Variants in CADPS observed in about 807,000 individuals in gnomAD.
CADPS encodes calcium dependent secretion activator.
A neutral mutation model predicts 167.3 loss-of-function variants in CADPS; 57 were observed. That is an observed-to-expected ratio of 0.34 (90% CI 0.28 to 0.42). CADPS has a LOEUF of 0.42. Ranked by LOEUF, CADPS falls within the 20% of genes least tolerant of loss-of-function variation. CADPS has a pLI of 1.00. For synonymous variants in CADPS, 676 were observed against 635.3 expected (o/e 1.06, Z -0.96); for missense variants, 1,414 against 1,738.1 (o/e 0.81, Z 3.32).
At chr3:62,415,161 G>A (rs547997494) in intron 28 of CADPS, among the ~76,000 whole-genome samples, 4 of 148,706 alleles carry the variant, frequency 2.7e-5, no homozygotes, top group East Asian at 4.1e-4. Flanking sequence ...TAAAGTTGCC[G>A]AAATAGCAAT....
intron 6 of CADPS, among the ~76,000 whole-genome samples, chr3:62,609,152 G>A (rs2061135332): frequency 6.6e-6 from 1 of 151,998 alleles, no homozygotes; most frequent in South Asian, 2.1e-4. Flanking sequence ...AGACAAAGCA[G>A]CAAGTTATGA....
At chr3:62,498,034 C>A in intron 18 of CADPS, 1 of 444,034 alleles carries the variant, frequency 2.3e-6, no homozygotes, top group South Asian at 1.6e-5. Flanking sequence ...TTCCTTGGGT[C>A]AGTGTTAGAA....
rs141508682 is a variant in CADPS, at chr3:62,703,176, T to C, written c.889-40782A>G. On this transcript the variant is annotated intron_variant, in intron 3 of 29. Coordinates refer to ENST00000383710, the MANE Select transcript of CADPS (RefSeq NM_003716.4). ...TTATTTACAAGCTATTAATGCAGTT[T>C]ACTCTTTAAATAAATTCATGTGTGT... Among the ~76,000 whole-genome samples, 16 of 152,316 alleles carry C rather than the reference T, an allele frequency of 1.1e-4. No individual in the cohort carries two copies. In the East Asian group the frequency reaches 2.9e-3, roughly 27 times the overall value.
intron 18 of CADPS, chr3:62,498,255 TTA>T: frequency 2.2e-6 from 1 of 447,398 alleles, no homozygotes; most frequent in Admixed American, 2.4e-5. Context: ...TTATGGCGTA[TTA>T]TATATTATTT....
chr3:62,854,184 G>C (rs2079186388), intron 1 of CADPS, among the ~76,000 whole-genome samples: 1 of 152,140 alleles, frequency 6.6e-6, no homozygotes, highest in Admixed American at 6.6e-5. Context: ...CAACTCACAA[G>C]CTTAACACTT....
intron 6 of CADPS, among the ~76,000 whole-genome samples, chr3:62,641,132 C>A (rs2067327598): frequency 6.6e-6 from 1 of 152,060 alleles, no homozygotes; most frequent in Non-Finnish European, 1.5e-5. Flanking sequence ...AATCTTATGT[C>A]ATTGCTACAA....
chr3:62,608,882 A>T (rs1320139434), intron 6 of CADPS, among the ~76,000 whole-genome samples: 3 of 152,296 alleles, frequency 2.0e-5, no homozygotes, highest in African/African-American at 7.2e-5. Context: ...GCCAACTTGT[A>T]CGCCTCCTTC....
chr3:62,812,007 T>C (rs747665330), intron 1 of CADPS, among the ~76,000 whole-genome samples: 7 of 152,158 alleles, frequency 4.6e-5, no homozygotes, highest in Non-Finnish European at 8.8e-5. Flanking sequence ...GTTTATCTTA[T>C]GTAATGGTAT....
intron 27 of CADPS, 38 bp downstream of exon 27, chr3:62,445,727 C>CA (rs760770945): frequency 7.6e-6 from 7 of 927,130 alleles, no homozygotes; most frequent in East Asian, 3.1e-5. Context: ...AAAAAAAAAA[C>CA]AAAAAAACCC....
chr3:62,753,868 G>C lies in CADPS; in HGVS notation c.556-95C>G. On this transcript the variant is annotated intron_variant, in intron 2 of 29. Coordinates refer to ENST00000383710, the MANE Select transcript of CADPS (RefSeq NM_003716.4). The surrounding 1 kb of genome is among the most constrained non-coding windows in gnomAD (Gnocchi z 4.6). The stretch of plus-strand genomic sequence containing the variant: ...GACACTGGGCCAGTCCACCTCACGT[G>C]CATCCCAGGAGGAACCACTGTGGGT... 1 of 1,221,400 alleles carries C rather than the reference G, an allele frequency of 8.2e-7. No individual in the cohort carries two copies. The highest frequency in any genetic ancestry group is 1.1e-6 in the Non-Finnish European group (1 of 878,456). 75.7% of individuals were successfully genotyped at this position (1,221,400 alleles called of 1,614,324 possible).
At chr3:62,583,153 T>TTCTCTCTCTCTC (rs1562465022) in intron 8 of CADPS, among the ~76,000 whole-genome samples, 3 of 63,992 alleles carry the variant, frequency 4.7e-5, no homozygotes, top group African/African-American at 1.8e-4. Flanking sequence ...CCTACCCTCT[T>TTCTCTCTCTCTC]TGTCTCTCTC....
intron 5 of CADPS, among the ~76,000 whole-genome samples, chr3:62,646,617 T>C (rs2068653921): frequency 6.6e-6 from 1 of 152,174 alleles, no homozygotes; most frequent in Admixed American, 6.6e-5. Flanking sequence ...CAGCATTAGA[T>C]TCAGAGATGC....
At chr3:62,672,345 A>T (rs980549773) in intron 3 of CADPS, among the ~76,000 whole-genome samples, 1 of 152,158 alleles carries the variant, frequency 6.6e-6, no homozygotes, top group African/African-American at 2.4e-5. Flanking sequence ...CAGGCTTTGC[A>T]AGGCAGGCTG....
chr3:62,509,916 T>C (rs2067418243), intron 17 of CADPS, among the ~76,000 whole-genome samples: 1 of 152,164 alleles, frequency 6.6e-6, no homozygotes, highest in Non-Finnish European at 1.5e-5. Flanking sequence ...TGAGTTCAAA[T>C]CCTGCTTCAG....
intron 21 of CADPS, among the ~76,000 whole-genome samples, chr3:62,489,971 T>G (rs1236696936): frequency 6.6e-6 from 1 of 152,166 alleles, no homozygotes; most frequent in African/African-American, 2.4e-5. Context: ...TTTAAATTTC[T>G]TGGTATTTGC....
intron 16 of CADPS, among the ~76,000 whole-genome samples, chr3:62,515,723 A>G (rs2068816956): frequency 6.6e-6 from 1 of 152,054 alleles, no homozygotes; most frequent in South Asian, 2.1e-4. Context: ...GAAGGGGGCA[A>G]TTCTACAGAA....
chr3:62,596,981 C>G (rs982114341), intron 6 of CADPS, among the ~76,000 whole-genome samples: 12 of 152,162 alleles, frequency 7.9e-5, no homozygotes, highest in African/African-American at 2.9e-4. Flanking sequence ...TAAAAATTAT[C>G]AGTAATAAGC....
intron 6 of CADPS, among the ~76,000 whole-genome samples, chr3:62,632,177 T>C (rs1018924311): frequency 6.6e-6 from 1 of 152,182 alleles, no homozygotes; most frequent in East Asian, 1.9e-4. Context: ...CATATATCTC[T>C]GGATGGGTGT....
At chr3:62,763,453 G>A (rs972512570) in intron 2 of CADPS, among the ~76,000 whole-genome samples, 1 of 152,192 alleles carries the variant, frequency 6.6e-6, no homozygotes, top group South Asian at 2.1e-4. Flanking sequence ...CTGAAGCCAG[G>A]CCTACTCCTG....
Sources: allele counts gnomAD v4.1 joint callset (sites outside exome capture counted in the v4.1 genomes callset), GRCh38; gene constraint gnomAD v4.1.1; non-coding constraint Gnocchi (gnomAD v3.1); transcripts MANE v1.5; gene names NCBI Gene and HGNC (gene_info 2026-07-23, HGNC 2026-07-21).